The following SEMA6D variants were observed in gnomAD, a reference collection of about 807,000 sequenced individuals.
SEMA6D encodes the protein semaphorin 6D, also known as semaphorin-6D.
A neutral mutation model predicts 106.6 loss-of-function variants in SEMA6D; 35 were observed. That is an observed-to-expected ratio of 0.33 (90% CI 0.25 to 0.44). The LOEUF is 0.44. Among genes scored for constraint, SEMA6D ranks in the 20% least tolerant of loss-of-function variants. The pLI, the probability that SEMA6D is intolerant of heterozygous loss-of-function variation, is 1.00. For missense variants in SEMA6D, 1,185 were observed against 1,345.9 expected (o/e 0.88, Z 1.87); for synonymous variants, 499 against 487.7 (o/e 1.02, Z -0.31).
chr15:47,264,648 AAATAGC>A (rs1184389085), intron 1 of SEMA6D, among the ~76,000 whole-genome samples: 1 of 152,050 alleles, frequency 6.6e-6, no homozygotes, highest in African/African-American at 2.4e-5. Flanking sequence ...TATTAAATAG[AAATAGC>A]AAGAGTGGAT....
At chr15:47,378,982 C>T (rs1377070801) in intron 1 of SEMA6D, among the ~76,000 whole-genome samples, 2 of 152,114 alleles carry the variant, frequency 1.3e-5, no homozygotes, top group Non-Finnish European at 2.9e-5. Flanking sequence ...TCTCCTCCAA[C>T]CAGAAATTTT....
intron 4 of SEMA6D, among the ~76,000 whole-genome samples, chr15:47,652,332 C>CACTA (rs1270243883): frequency 6.6e-6 from 1 of 152,130 alleles, no homozygotes; most frequent in African/African-American, 2.4e-5. Flanking sequence ...GGAGCTAGTA[C>CACTA]CTTAAGGGTT....
At chr15:47,584,898 CT>C (rs2076310989) in intron 3 of SEMA6D, among the ~76,000 whole-genome samples, 1 of 152,150 alleles carries the variant, frequency 6.6e-6, no homozygotes, top group South Asian at 2.1e-4. Flanking sequence ...GACCAAGTGA[CT>C]TCTTGAAGTT....
At chr15:47,497,037 C>A (rs2043687660) in intron 3 of SEMA6D, among the ~76,000 whole-genome samples, 1 of 152,020 alleles carries the variant, frequency 6.6e-6, no homozygotes, top group Admixed American at 6.6e-5. Context: ...CAGTCTGAGA[C>A]CTTTCTTCAC....
chr15:47,302,714 T>C (rs1373543157), intron 1 of SEMA6D, among the ~76,000 whole-genome samples: 1 of 152,112 alleles, frequency 6.6e-6, no homozygotes, highest in Non-Finnish European at 1.5e-5. Context: ...GATTTGAAGA[T>C]GAAGGAAGAA....
chr15:47,364,654 A>T (rs1344731008), intron 1 of SEMA6D, among the ~76,000 whole-genome samples: 1 of 151,912 alleles, frequency 6.6e-6, no homozygotes, highest in African/African-American at 2.4e-5. Flanking sequence ...GAGGCAGCCA[A>T]CCATCCCATC....
chr15:47,704,792 T>C (rs1409827739), intron 4 of SEMA6D, among the ~76,000 whole-genome samples: 2 of 152,340 alleles, frequency 1.3e-5, no homozygotes, highest in African/African-American at 2.4e-5. Context: ...CAATTGATGA[T>C]TGATATCCAT....
At chr15:47,563,856 A>G (rs1028508117) in intron 3 of SEMA6D, among the ~76,000 whole-genome samples, 1 of 152,212 alleles carries the variant, frequency 6.6e-6, no homozygotes. Flanking sequence ...TGCCTTTCCC[A>G]AAGATAACTC....
rs149334317 is a variant in SEMA6D at position 47,404,544 on chromosome 15, T to C, written c.-238-7849T>C. 2.0e-5 allele frequency among the ~76,000 whole-genome samples: 3 copies of C among 152,272 alleles called. No individual in the cohort carries two copies. The East Asian group carries it at 5.8e-4, about 30-fold the overall frequency. ...CACCTCTCTCTAAGACCTTTAATGC[T>C]GTGACCTGATTGGACCCTAACATTG... On this transcript the variant is annotated intron_variant, in intron 1 of 19. Coordinates refer to the SEMA6D transcript ENST00000558014.
At chr15:47,675,875 C>T (rs975593000) in intron 4 of SEMA6D, among the ~76,000 whole-genome samples, 4 of 142,096 alleles carry the variant, frequency 2.8e-5, no homozygotes, top group African/African-American at 7.8e-5. Flanking sequence ...TTGTATTGCT[C>T]TGGTTCTTGA....
chr15:47,327,362 A>G (rs973333931), intron 1 of SEMA6D, among the ~76,000 whole-genome samples: 3 of 152,238 alleles, frequency 2.0e-5, no homozygotes, highest in African/African-American at 4.8e-5. Flanking sequence ...ATTAATTGCC[A>G]TACCCTCATA....
intron 1 of SEMA6D, among the ~76,000 whole-genome samples, chr15:47,297,712 G>A (rs1036070089): frequency 1.3e-5 from 2 of 152,048 alleles, no homozygotes; most frequent in Non-Finnish European, 2.9e-5. Context: ...AACACTCTAA[G>A]GCTGACTAAA....
intron 3 of SEMA6D, among the ~76,000 whole-genome samples, chr15:47,487,962 C>A (rs1006555993): frequency 2.0e-5 from 3 of 152,158 alleles, no homozygotes; most frequent in African/African-American, 7.2e-5. Flanking sequence ...ATCTGTACCA[C>A]CAAATTGCCA....
intron 3 of SEMA6D, among the ~76,000 whole-genome samples, chr15:47,555,474 T>C (rs1346490297): frequency 6.6e-6 from 1 of 152,334 alleles, no homozygotes; most frequent in Non-Finnish European, 1.5e-5. Context: ...CTTCTTGTTT[T>C]AACCTGAAAT....
At chr15:47,382,765 A>G (rs1429222985) in intron 1 of SEMA6D, among the ~76,000 whole-genome samples, 10 of 152,154 alleles carry the variant, frequency 6.6e-5, no homozygotes, top group Non-Finnish European at 1.3e-4. Context: ...TTAGTCCTGT[A>G]GTACCATTTG....
At chr15:47,542,086 A>G (rs748238076) in intron 3 of SEMA6D, among the ~76,000 whole-genome samples, 1 of 152,206 alleles carries the variant, frequency 6.6e-6, no homozygotes, top group African/African-American at 2.4e-5. Flanking sequence ...CTGAAGACCA[A>G]TCACAGAACT....
chr15:47,534,433 G>T (rs1021323092), intron 3 of SEMA6D, among the ~76,000 whole-genome samples: 1 of 151,928 alleles, frequency 6.6e-6, no homozygotes, highest in South Asian at 2.1e-4. Context: ...TCCACCCACC[G>T]CAGCCTCCCA....
chr15:47,606,706 G>A (rs1275321720), intron 4 of SEMA6D, among the ~76,000 whole-genome samples: 57 of 152,132 alleles, frequency 3.7e-4, no homozygotes, highest in Non-Finnish European at 1.9e-4. Flanking sequence ...CCTTTTGAAT[G>A]TGGTTTGAAT....
At chr15:47,265,656 A>T (rs1161315896) in intron 1 of SEMA6D, among the ~76,000 whole-genome samples, 1 of 151,996 alleles carries the variant, frequency 6.6e-6, no homozygotes, top group Non-Finnish European at 1.5e-5. Context: ...TGTATAAATT[A>T]TAGTTTCCAG....
Sources: allele counts gnomAD v4.1 joint callset (sites outside exome capture counted in the v4.1 genomes callset), GRCh38; gene constraint gnomAD v4.1.1; transcripts MANE v1.5; gene names NCBI Gene and HGNC (gene_info 2026-07-23, HGNC 2026-07-21).